DCC: variants seen among roughly 807,000 people sequenced by gnomAD.
DCC encodes netrin receptor DCC.
In DCC, 58 loss-of-function variants were observed where a neutral mutation model predicts 172.5. The observed-to-expected ratio is 0.34, with a 90% CI of 0.27 to 0.42. The LOEUF is 0.42. DCC is among the 10% of genes least tolerant of loss of function. The pLI is 1.00. For missense variants in DCC, 1,740 were observed against 1,791.0 expected, an observed-to-expected ratio of 0.97 and a Z score of 0.51; for synonymous variants, 709 against 644.5, an observed-to-expected ratio of 1.10 and a Z score of -1.52.
chr18:52,691,180 A>T (rs1302133748), intron 1 of DCC, among the ~76,000 whole-genome samples: 3 of 152,088 alleles, frequency 2.0e-5, no homozygotes, highest in African/African-American at 7.2e-5. Flanking sequence ...CATACCTGAG[A>T]GTTGGCTAGA....
chr18:52,540,418 C>A (rs1222461436), intron 1 of DCC, among the ~76,000 whole-genome samples: 1 of 151,728 alleles, frequency 6.6e-6, no homozygotes, highest in African/African-American at 2.4e-5. Context: ...CAGAGCAAGA[C>A]CCTGACTCAA....
chr18:52,577,826 G>A (rs540377859), intron 1 of DCC, among the ~76,000 whole-genome samples: 4 of 152,258 alleles, frequency 2.6e-5, no homozygotes, highest in South Asian at 4.1e-4. Context: ...CCTAATGGGA[G>A]GCTAGGAAAG....
At chr18:53,091,794 T>C (rs2043012420) in intron 7 of DCC, among the ~76,000 whole-genome samples, 1 of 151,968 alleles carries the variant, frequency 6.6e-6, no homozygotes, top group Admixed American at 6.6e-5. Flanking sequence ...GTTCAGTCCA[T>C]TGCATACACT....
intron 2 of DCC, chr18:52,817,007 T>G (rs990816745): frequency 6.6e-6 from 1 of 152,176 alleles, no homozygotes; most frequent in African/African-American, 2.4e-5. Context: ...AAGTGTAGTT[T>G]AGCTACACTT....
chr18:53,212,579 G>A (rs762851496), intron 11 of DCC, among the ~76,000 whole-genome samples: 10 of 151,956 alleles, frequency 6.6e-5, no homozygotes, highest in Non-Finnish European at 1.3e-4. Context: ...GAAGAAATGT[G>A]CACTGTAAAA....
Position 53,391,778 on chromosome 18 carries a change from T to C in DCC, c.2579T>C (p.Val860Ala), listed in dbSNP as rs747359870. The part of the protein sequence containing the change: ...VQAVALTHDA[V>A]RVSWADNSVP... ...GCTGTGGCTCTTACCCATGATGCTG[T>C]GAGGGTCAGCTGGGCAGACAACTCT... The change falls in exon 17 of 29, where the codon GTG becomes GCG. Residue 860 changes from valine to alanine, a missense_variant. By Grantham distance (64) the Val-to-Ala change is moderately conservative (BLOSUM62 0). This residue lies in a region of DCC where 1,732 missense variants were observed against 1,767.4 expected (regional missense o/e 0.98). Coordinates refer to ENST00000442544, the MANE Select transcript of DCC (RefSeq NM_005215.4). 42 of 1,613,828 alleles carry C rather than the reference T, an allele frequency of 2.6e-5. No individual in the cohort carries two copies. Among genetic ancestry groups the C allele is most frequent in the Admixed American group, 2.0e-4 (12 of 60,002 alleles).
At chr18:53,203,821 G>C (rs999356645) in intron 9 of DCC, among the ~76,000 whole-genome samples, 1 of 152,162 alleles carries the variant, frequency 6.6e-6, no homozygotes, top group Non-Finnish European at 1.5e-5. Context: ...AGTTAAACCT[G>C]GAATGGTGGT....
intron 2 of DCC, among the ~76,000 whole-genome samples, chr18:52,884,716 T>C (rs2039544721): frequency 6.6e-6 from 1 of 152,218 alleles, no homozygotes; most frequent in African/African-American, 2.4e-5. Flanking sequence ...TTTAGTTCAT[T>C]TGGTAAAGTC....
intron 5 of DCC, among the ~76,000 whole-genome samples, chr18:52,996,251 A>G (rs2041475718): frequency 6.6e-6 from 1 of 151,740 alleles, no homozygotes; most frequent in South Asian, 2.1e-4. Flanking sequence ...TTATATAATT[A>G]TATATTTTTC....
chr18:52,551,390 G>A (rs1162994259), intron 1 of DCC, among the ~76,000 whole-genome samples: 1 of 151,986 alleles, frequency 6.6e-6, no homozygotes, highest in Non-Finnish European at 1.5e-5. Flanking sequence ...AGAGGACACA[G>A]CAAATGGAGA....
rs2055153382 is a variant in DCC, at chr18:53,179,042, T to G, written c.1499T>G (p.Phe500Cys). ...GNLKPEAMYT[F>C]RVVAYNEWGP... ...CTGAAGCCAGAAGCCATGTACACCTTTCGAGTTGTGGCTTACAATGAATGG... is the reference window on the plus strand; with the variant it reads ...CTGAAGCCAGAAGCCATGTACACCTGTCGAGTTGTGGCTTACAATGAATGG... Residue 500 changes from phenylalanine to cysteine, a missense_variant, in exon 9 of 29, where the codon TTT (phenylalanine) becomes TGT (cysteine). This residue lies in a region of DCC where 1,732 missense variants were observed against 1,767.4 expected (regional missense o/e 0.98). Coordinates refer to ENST00000442544, the MANE Select transcript of DCC (RefSeq NM_005215.4). 2 of 1,613,892 alleles carry G rather than the reference T, an allele frequency of 1.2e-6. No individual in the cohort carries two copies. Among genetic ancestry groups the G allele is most frequent in the South Asian group, 2.2e-5 (2 of 91,084 alleles).
intron 7 of DCC, among the ~76,000 whole-genome samples, chr18:53,072,885 C>A (rs2042674827): frequency 1.3e-5 from 2 of 152,170 alleles, no homozygotes; most frequent in Admixed American, 1.3e-4. Flanking sequence ...TGACATTAGG[C>A]CAGACACTTA....
rs137911154 is a variant in DCC, at chr18:52,856,286, A to C, written c.413-49758A>C. Among the ~76,000 whole-genome samples the C allele has an allele frequency of 3.4e-3, 510 of 152,178 alleles. 4 individuals carry two copies. Among genetic ancestry groups the C allele is most frequent in the Non-Finnish European group, 3.7e-3 (250 of 67,996 alleles). ...TTCTATTTATGAAGATGTCTTTTTA[A>C]GATGTTTATGGAACTTAAGATGATA... On this transcript the variant is annotated intron_variant, in intron 2 of 28. Coordinates refer to ENST00000442544, the MANE Select transcript of DCC (RefSeq NM_005215.4).
chr18:52,540,597 CTTTTTTT>C (rs71175505), intron 1 of DCC, among the ~76,000 whole-genome samples: 1,057 of 67,338 alleles, frequency 0.016, 15 homozygotes, highest in East Asian at 0.095. Flanking sequence ...ATTCAACTGC[CTTTTTTT>C]TTTTTTTTTT....
At chr18:52,841,464 A>T (rs2038805780) in intron 2 of DCC, among the ~76,000 whole-genome samples, 1 of 152,156 alleles carries the variant, frequency 6.6e-6, no homozygotes, top group Non-Finnish European at 1.5e-5. Context: ...TAAATTGAAT[A>T]CCAGGAATTT....
Position 52,847,642 on chromosome 18 carries a change from A to G in DCC, c.413-58402A>G, listed in dbSNP as rs62098968. Among the ~76,000 whole-genome samples, 720 of 152,250 alleles carry G rather than the reference A, an allele frequency of 4.7e-3. 4 individuals carry two copies. Among genetic ancestry groups the G allele is most frequent in the Middle Eastern group, 0.01 (3 of 294 alleles). On this transcript the variant is annotated intron_variant, in intron 2 of 28. Coordinates refer to ENST00000442544, the MANE Select transcript of DCC (RefSeq NM_005215.4). Reference sequence around the variant, plus strand: ...CCTCCCTCCAAGACACATACTCCCAATTGGGTCAATTCTTCAATTGAGACT... The same window carrying G: ...CCTCCCTCCAAGACACATACTCCCAGTTGGGTCAATTCTTCAATTGAGACT...
At chr18:52,626,115 G>A (rs1348197234) in intron 1 of DCC, among the ~76,000 whole-genome samples, 2 of 152,050 alleles carry the variant, frequency 1.3e-5, no homozygotes, top group African/African-American at 4.8e-5. Context: ...CTCCAGTCCT[G>A]CCCTCATCCC....
intron 13 of DCC, among the ~76,000 whole-genome samples, chr18:53,309,001 T>C (rs2057234005): frequency 6.6e-6 from 1 of 152,100 alleles, no homozygotes; most frequent in Admixed American, 6.6e-5. Flanking sequence ...TCCATCTTTT[T>C]ATACTTTCCT....
intron 1 of DCC, among the ~76,000 whole-genome samples, chr18:52,747,242 A>G (rs1373183867): frequency 1.3e-5 from 2 of 152,300 alleles, no homozygotes; most frequent in Non-Finnish European, 2.9e-5. Context: ...ATTTCTCCAC[A>G]ATATATTATA....
Sources: gnomAD v4.1 joint callset for allele counts (sites outside exome capture counted in the v4.1 genomes callset) on GRCh38, gnomAD v4.1.1 for gene constraint, gnomAD v4.1.1 regional missense constraint, MANE v1.5 for transcripts, NCBI Gene and HGNC (gene_info 2026-07-23, HGNC 2026-07-21) for gene names.